The following MAP2K6 variants were observed in gnomAD, a reference collection of about 807,000 sequenced individuals.
MAP2K6 encodes dual specificity mitogen-activated protein kinase kinase 6.
In MAP2K6, 16 loss-of-function variants were observed where a neutral mutation model predicts 53.7. That is an observed-to-expected ratio of 0.30 (90% confidence interval 0.20 to 0.45). The LOEUF is 0.45. MAP2K6 is among the 20% of genes least tolerant of loss of function. MAP2K6 has a pLI of 1.00. For synonymous variants in MAP2K6, 132 were observed against 143.1 expected (o/e 0.92, Z 0.55); for missense variants, 204 against 411.9 (o/e 0.50, Z 4.37).
At chr17:69,505,697 G>A in intron 1 of MAP2K6, 83 bp from the exon 2 acceptor site, 1 of 1,089,480 alleles carries the variant, frequency 9.2e-7, no homozygotes, top group Non-Finnish European at 1.4e-6. Context: ...GTGCAGGTCA[G>A]CTCTTTCCTT....
intron 4 of MAP2K6, among the ~76,000 whole-genome samples, chr17:69,518,683 GTTC>G (rs745846653): frequency 1.3e-5 from 2 of 152,114 alleles, no homozygotes; most frequent in Admixed American, 6.6e-5. Context: ...TTTTCAGTCT[GTTC>G]TTCTGCTGAC....
At chr17:69,501,678 A>G (rs1021330741) in intron 1 of MAP2K6, 2 of 152,194 alleles carry the variant, frequency 1.3e-5, no homozygotes, top group Admixed American at 1.3e-4. Context: ...GCATATGCCC[A>G]ATCAGGCCGA....
intron 1 of MAP2K6, among the ~76,000 whole-genome samples, chr17:69,441,240 T>A (rs1906807043): frequency 6.6e-6 from 1 of 152,218 alleles, no homozygotes; most frequent in South Asian, 2.1e-4. Flanking sequence ...AGCCTCAAAT[T>A]CTTTCTCTTC....
intron 1 of MAP2K6, among the ~76,000 whole-genome samples, chr17:69,418,240 G>T (rs1397502447): frequency 6.6e-6 from 1 of 152,150 alleles, no homozygotes; most frequent in East Asian, 1.9e-4. Flanking sequence ...ATTGCATTCA[G>T]TTCTTTAGAG....
intron 1 of MAP2K6, chr17:69,434,665 A>G (rs1906579912): frequency 1.3e-5 from 2 of 152,240 alleles, no homozygotes; most frequent in South Asian, 4.1e-4. Flanking sequence ...TTTCATAAGC[A>G]GTTCACATTA....
At chr17:69,451,550 G>A (rs1019945931) in intron 1 of MAP2K6, among the ~76,000 whole-genome samples, 2 of 152,196 alleles carry the variant, frequency 1.3e-5, no homozygotes, top group African/African-American at 4.8e-5. Flanking sequence ...ACCCAAGAGG[G>A]GAGATTTGCA....
chr17:69,446,387 A>T (rs1440791805), intron 1 of MAP2K6, among the ~76,000 whole-genome samples: 1 of 152,242 alleles, frequency 6.6e-6, no homozygotes, highest in Non-Finnish European at 1.5e-5. Flanking sequence ...ATGTTAAGAG[A>T]TTGAATTGCT....
At chr17:69,511,857 T>C (rs949584198) in intron 2 of MAP2K6, among the ~76,000 whole-genome samples, 4 of 152,218 alleles carry the variant, frequency 2.6e-5, no homozygotes, top group African/African-American at 9.6e-5. Context: ...CGGGCACCTG[T>C]AATCCCAGCT....
chr17:69,523,768 T>G, intron 8 of MAP2K6, 127 bp downstream of exon 8: 1 of 1,174,210 alleles, frequency 8.5e-7, no homozygotes, highest in Non-Finnish European at 1.2e-6. Flanking sequence ...AGTCTGCCTC[T>G]TAGTATTTCT....
chr17:69,464,954 T>A (rs1252599964), intron 1 of MAP2K6, among the ~76,000 whole-genome samples: 3 of 152,082 alleles, frequency 2.0e-5, no homozygotes, highest in Admixed American at 2.0e-4. Context: ...GACCTTGTGA[T>A]CCCTCCGCCT....
chr17:69,463,304 ATG>A (rs1170596840), intron 1 of MAP2K6, among the ~76,000 whole-genome samples: 9 of 149,872 alleles, frequency 6.0e-5, no homozygotes, highest in African/African-American at 2.2e-4. Flanking sequence ...ATATACTTAT[ATG>A]TATATATATA....
Position 69,552,193 on chromosome 17 carries a change from G to C in MAP2K6, c.*10440G>C, listed in dbSNP as rs563379715. The C allele has an allele frequency of 6.6e-6, 1 of 152,234 alleles. No homozygotes were observed. The highest frequency in any genetic ancestry group is 1.5e-5 in the Non-Finnish European group (1 of 68,044). The allele number at this position is 152,234 out of a possible 1,614,324, so 9.4% of individuals were successfully genotyped here. On this transcript the variant is annotated 3_prime_UTR_variant, in exon 12 of 12. Transcript: ENST00000590474. Reference sequence around the variant, plus strand: ...TATTGCAAAGAGAGCCTTTGGGCAAGTGGAAAATGCCCTGATGCTAGAATG... The same window carrying C: ...TATTGCAAAGAGAGCCTTTGGGCAACTGGAAAATGCCCTGATGCTAGAATG...
At chr17:69,538,500 G>A (rs1398992512) in intron 11 of MAP2K6, among the ~76,000 whole-genome samples, 3 of 152,170 alleles carry the variant, frequency 2.0e-5, no homozygotes, top group Non-Finnish European at 4.4e-5. Context: ...TGGAACTGAG[G>A]TTTTCAAACG....
chr17:69,497,283 G>A (rs546326210), intron 1 of MAP2K6, among the ~76,000 whole-genome samples: 3 of 152,332 alleles, frequency 2.0e-5, no homozygotes, highest in Admixed American at 1.3e-4. Context: ...GCAACACAGA[G>A]GAAAGGTATT....
chr17:69,527,975 G>C (rs1910863255), intron 10 of MAP2K6, among the ~76,000 whole-genome samples: 1 of 151,960 alleles, frequency 6.6e-6, no homozygotes, highest in South Asian at 2.1e-4. Context: ...AAATTAACTG[G>C]GCATGGTGGT....
intron 1 of MAP2K6, chr17:69,477,430 T>A (rs1908191310): frequency 6.6e-6 from 1 of 152,218 alleles, no homozygotes; most frequent in Non-Finnish European, 1.5e-5. Flanking sequence ...GTCGGAGAAG[T>A]CTGAGGGCAG....
At chr17:69,459,545 C>A (rs985182181) in intron 1 of MAP2K6, among the ~76,000 whole-genome samples, 19 of 151,798 alleles carry the variant, frequency 1.3e-4, no homozygotes, top group Admixed American at 7.9e-4. Flanking sequence ...AACCCTGTCT[C>A]AACTAAAGAT....
At chr17:69,429,226 C>T (rs888553560) in intron 1 of MAP2K6, among the ~76,000 whole-genome samples, 1 of 150,044 alleles carries the variant, frequency 6.7e-6, no homozygotes, top group African/African-American at 2.5e-5. Flanking sequence ...TCACTTGAGG[C>T]TAGGAGTTTT....
Position 69,545,345 on chromosome 17 carries a change from G to T in MAP2K6, c.*3592G>T, listed in dbSNP as rs962365839. On this transcript the variant is annotated 3_prime_UTR_variant, in exon 12 of 12. Transcript: ENST00000590474. ...AGTCACCTATCTTCTATGATTGAAG[G>T]TCCTGATGTGGGGGAATAATCTATT... 1 of 152,184 alleles carries T rather than the reference G, an allele frequency of 6.6e-6. No homozygotes were observed. Among genetic ancestry groups the T allele is most frequent in the Non-Finnish European group, 1.5e-5 (1 of 68,042 alleles). 9.4% of individuals were successfully genotyped at this position (152,184 alleles called of 1,614,324 possible). A position where few individuals can be genotyped will look rare whatever the true frequency, so the allele number is the denominator to read the frequency against.
Sources: allele counts gnomAD v4.1 joint callset (sites outside exome capture counted in the v4.1 genomes callset), GRCh38; gene constraint gnomAD v4.1.1; transcripts MANE v1.5; gene names NCBI Gene and HGNC (gene_info 2026-07-23, HGNC 2026-07-21).